SHQ1: variants seen among roughly 807,000 people sequenced by gnomAD.
SHQ1 encodes the protein SHQ1, H/ACA ribonucleoprotein assembly factor, also known as protein SHQ1 homolog.
In SHQ1, 49 loss-of-function variants were observed where a neutral mutation model predicts 53.8. The observed-to-expected ratio is 0.91, with a 90% confidence interval of 0.72 to 1.16. The LOEUF (loss-of-function observed/expected upper bound fraction) is 1.16, where lower values mean the gene tolerates loss of function less well. Ranked by LOEUF, SHQ1 falls within the 50% of genes most tolerant of loss-of-function variation. SHQ1 has a pLI of 0.00. For missense variants in SHQ1, 738 were observed against 683.1 expected (o/e 1.08, Z -0.90); for synonymous variants, 243 against 251.0 (o/e 0.97, Z 0.30).
At chr3:72,830,466 CT>C (rs1707792559) in intron 5 of SHQ1, among the ~76,000 whole-genome samples, 1 of 151,878 alleles carries the variant, frequency 6.6e-6, no homozygotes, top group African/African-American at 2.4e-5. Context: ...TAAAGTGAGC[CT>C]TTTTTTCTCC....
intron 9 of SHQ1, chr3:72,795,332 A>C (rs1706573122): frequency 6.6e-6 from 1 of 152,250 alleles, no homozygotes; most frequent in Admixed American, 6.5e-5. Flanking sequence ...AAAGTGGCAC[A>C]GGTTAACTAT....
At chr3:72,788,304 G>A (rs555753871) in intron 10 of SHQ1, among the ~76,000 whole-genome samples, 109 of 151,766 alleles carry the variant, frequency 7.2e-4, no homozygotes, top group Non-Finnish European at 1.2e-3. Context: ...TGGGAAGTGA[G>A]GAGCGCCTCT....
rs563275275 is a variant in SHQ1, at chr3:72,847,975, C to T, written c.143+223G>A. Among the ~76,000 whole-genome samples the T allele has an allele frequency of 2.2e-3, 334 of 152,208 alleles. 2 individuals carry two copies. The highest frequency in any genetic ancestry group is 7.6e-3 in the African/African-American group (316 of 41,534). On this transcript the variant is annotated intron_variant, in intron 1 of 10. Coordinates refer to ENST00000325599, the MANE Select transcript of SHQ1 (RefSeq NM_018130.3). Reference sequence around the variant, plus strand: ...TCACTTTTTCAAGTGATTCCGCAATCCTTTGATATGGGATTTAAGAAAGCT... The same window carrying T: ...TCACTTTTTCAAGTGATTCCGCAATTCTTTGATATGGGATTTAAGAAAGCT...
intron 9 of SHQ1, among the ~76,000 whole-genome samples, chr3:72,810,167 G>A (rs909437592): frequency 6.6e-6 from 1 of 152,160 alleles, no homozygotes; most frequent in Non-Finnish European, 1.5e-5. Context: ...TGTGCCCCAA[G>A]ATGACTGATC....
Position 72,806,003 on chromosome 3 carries a change from ATGACTAGAACT to A in SHQ1, c.1060+6657_1060+6667del, listed in dbSNP as rs542170665. On this transcript the variant is annotated intron_variant, in intron 9 of 10. Transcript: ENST00000325599. ...TTAGGGGGAAAGAGATTCTATGGAGATGACTAGAACTTGATATTCTTTCCTTTAATGTTTAC... is the reference window on the plus strand; with the variant it reads ...TTAGGGGGAAAGAGATTCTATGGAGATGATATTCTTTCCTTTAATGTTTAC... 7.0e-3 allele frequency among the ~76,000 whole-genome samples: 1,072 copies of A among 152,330 alleles called. 16 individuals carry two copies. Among genetic ancestry groups the A allele is most frequent in the African/African-American group, 0.024 (1,011 of 41,586 alleles).
At chr3:72,802,011 C>T (rs1213827573) in intron 9 of SHQ1, among the ~76,000 whole-genome samples, 1 of 152,192 alleles carries the variant, frequency 6.6e-6, no homozygotes, top group African/African-American at 2.4e-5. Context: ...CTTCTGGTAC[C>T]ACTTCTTAAC....
chr3:72,832,274 G>A lies in SHQ1; in HGVS notation c.599+95C>T, dbSNP rs548641520. ...CAGTCATCAATAATTTCTGGAATCC[G>A]AAATGCACATCCCTAGCAGAGTTTA... On this transcript the variant is annotated intron_variant, in intron 5 of 10. Coordinates refer to ENST00000325599, the MANE Select transcript of SHQ1 (RefSeq NM_018130.3). 100 of 858,970 alleles carry A rather than the reference G, an allele frequency of 1.2e-4. No individual in the cohort carries two copies. In the African/African-American group the frequency reaches 1.4e-3, roughly 12 times the overall value. 53.2% of individuals were successfully genotyped at this position (858,970 alleles called of 1,614,324 possible).
intron 10 of SHQ1, among the ~76,000 whole-genome samples, chr3:72,765,783 C>T (rs902866900): frequency 2.0e-5 from 3 of 151,806 alleles, no homozygotes; most frequent in Non-Finnish European, 4.4e-5. Flanking sequence ...GAACTCCTGA[C>T]CTCAGGTGAT....
In SHQ1 at chr3:72,767,281, G is replaced by C. The variant is rs182871694; in HGVS notation, c.1182-16445C>G. On this transcript the variant is annotated intron_variant, in intron 10 of 10. Transcript: ENST00000325599. ...GCCCCATGCCAGAGGGTTCATCCCT[G>C]ATTAGCCAGAGCTCCTCATGTGCAG... 5.2e-4 allele frequency among the ~76,000 whole-genome samples: 79 copies of C among 152,336 alleles called. 1 individual carries two copies. The highest frequency in any genetic ancestry group is 3.4e-3 in the Middle Eastern group (1 of 294).
At chr3:72,767,554 A>G (rs909596160) in intron 10 of SHQ1, among the ~76,000 whole-genome samples, 1 of 152,228 alleles carries the variant, frequency 6.6e-6, no homozygotes, top group African/African-American at 2.4e-5. Context: ...ATTCTATTAT[A>G]GTGATCACAA....
At chr3:72,773,137 C>T in intron 10 of SHQ1, 1 of 757,704 alleles carries the variant, frequency 1.3e-6, no homozygotes, top group South Asian at 1.4e-5. Context: ...CATGAAGTTT[C>T]AGGATGAGTT....
chr3:72,784,669 T>G (rs1245564346), intron 10 of SHQ1, among the ~76,000 whole-genome samples: 3 of 152,360 alleles, frequency 2.0e-5, no homozygotes, highest in South Asian at 2.1e-4. Flanking sequence ...AACTTCTACA[T>G]GCTAATCATT....
chr3:72,763,050 C>T (rs1298128223), intron 10 of SHQ1, among the ~76,000 whole-genome samples: 115 of 141,994 alleles, frequency 8.1e-4, no homozygotes, highest in Middle Eastern at 3.4e-3. Context: ...CACACACACA[C>T]ACACACACAC....
intron 1 of SHQ1, chr3:72,846,106 C>T: frequency 1.8e-6 from 2 of 1,105,064 alleles, no homozygotes; most frequent in Non-Finnish European, 1.3e-6. Flanking sequence ...GTGGCCGGCA[C>T]AACAGGTGAG....
chr3:72,821,590 T>G (rs1227338067), intron 6 of SHQ1, among the ~76,000 whole-genome samples: 1 of 152,228 alleles, frequency 6.6e-6, no homozygotes, highest in Non-Finnish European at 1.5e-5. Flanking sequence ...GGTTAATATT[T>G]TATGATACAG....
chr3:72,844,627 T>C (rs1473771750), intron 1 of SHQ1, among the ~76,000 whole-genome samples: 3 of 152,222 alleles, frequency 2.0e-5, no homozygotes, highest in Non-Finnish European at 2.9e-5. Context: ...ATCTTTCTAT[T>C]TGAATACCCC....
intron 5 of SHQ1, 85 bp from the exon 6 acceptor site, chr3:72,824,636 C>G: frequency 1.4e-6 from 2 of 1,432,388 alleles, no homozygotes; most frequent in South Asian, 2.7e-5. Flanking sequence ...CATATTTGTA[C>G]TAGAAATACA....
At chr3:72,726,814 C>A in the SHQ1 span, among the ~76,000 whole-genome samples, 3 of 152,166 alleles carry the variant, frequency 2.0e-5, no homozygotes, top group African/African-American at 7.2e-5. Context: ...ACTGCGTCGG[C>A]CCCCTGAGAG....
At chr3:72,803,395 T>C (rs1362453762) in intron 9 of SHQ1, among the ~76,000 whole-genome samples, 2 of 152,182 alleles carry the variant, frequency 1.3e-5, no homozygotes, top group Non-Finnish European at 2.9e-5. Context: ...ATTTACCTGC[T>C]TGGCGAAGTA....
Sources: gnomAD v4.1 joint callset for allele counts (sites outside exome capture counted in the v4.1 genomes callset) on GRCh38, gnomAD v4.1.1 for gene constraint, MANE v1.5 for transcripts, NCBI Gene and HGNC (gene_info 2026-07-23, HGNC 2026-07-21) for gene names.